FMO2: variants seen among roughly 807,000 people sequenced by gnomAD.
FMO2 encodes flavin-containing monooxygenase 2.
In FMO2, 33 loss-of-function variants were observed where a neutral mutation model predicts 41.6. The observed-to-expected ratio is 0.79, with a 90% CI of 0.60 to 1.06. The LOEUF (loss-of-function observed/expected upper bound fraction) is 1.06. FMO2 is among the 50% of genes least tolerant of loss of function. The probability of loss-of-function intolerance (pLI) is 0.00; values close to 1 mark genes in which losing one functional copy is unlikely to be tolerated. For synonymous variants in FMO2, 214 were observed against 219.6 expected (o/e 0.97, Z 0.23); for missense variants, 619 against 632.9 (o/e 0.98, Z 0.23).
Position 171,193,395 on chromosome 1 carries a change from G to T in FMO2, c.193G>T (p.Glu65Ter). The change falls in exon 3 of 9, where the codon GAA becomes TAA. Residue 65 changes from glutamate (E) to a stop codon, truncating the protein, a stop_gained. Transcript: ENST00000209929. LOFTEE classifies it high-confidence loss of function. ...ATCTGTCGTTACCAACACCAGCAAAGAAATGTCCTGTTTCAGTGACTTTCC... is the reference window on the plus strand; with the variant it reads ...ATCTGTCGTTACCAACACCAGCAAATAAATGTCCTGTTTCAGTGACTTTCC... ...YQSVVTNTSK[E>*]MSCFSDFPMP... 1 of 1,611,428 alleles carries T rather than the reference G, an allele frequency of 6.2e-7. No homozygotes were observed. Among genetic ancestry groups the T allele is most frequent in the Non-Finnish European group, 8.5e-7 (1 of 1,179,060 alleles).
intron 4 of FMO2, among the ~76,000 whole-genome samples, chr1:171,198,626 G>A (rs1203156889): frequency 6.6e-6 from 1 of 151,994 alleles, no homozygotes; most frequent in African/African-American, 2.4e-5. Flanking sequence ...GGCCAGGCTG[G>A]TTTCAAATTC....
chr1:171,192,623 G>A (rs372005032), intron 2 of FMO2, among the ~76,000 whole-genome samples: 21 of 151,752 alleles, frequency 1.4e-4, no homozygotes, highest in Non-Finnish European at 2.5e-4. Flanking sequence ...AAAATTAGCC[G>A]GGCGTGGTGG....
chr1:171,185,586 A>G, intron 1 of FMO2, 122 bp from the exon 2 acceptor site: 4 of 940,340 alleles, frequency 4.3e-6, no homozygotes, highest in South Asian at 3.5e-5. Flanking sequence ...TCTTTATTCA[A>G]TAGTGCTGCT....
Position 171,209,023 on chromosome 1 carries a change from C to T in FMO2, c.1486C>T (p.Leu496=). 7.0e-6 allele frequency: 10 copies of T among 1,435,820 alleles called. No homozygotes were observed. The highest frequency in any genetic ancestry group is 9.6e-6 in the Non-Finnish European group (10 of 1,038,348). 88.9% of individuals were successfully genotyped at this position (1,435,820 alleles called of 1,614,324 possible). The change falls in exon 9 of 9, where the codon CTG becomes TTG. Residue 496 remains leucine (L), a synonymous_variant. Transcript: ENST00000209929. ...NAIFTQKQRI[L]KPLKTRALKD... is the part of the protein sequence containing the mutation. Reference sequence around the variant, plus strand: ...CATCTTCACCCAGAAACAAAGAATACTGAAGCCACTCAAGACTCGGGCCCT... The same window carrying T: ...CATCTTCACCCAGAAACAAAGAATATTGAAGCCACTCAAGACTCGGGCCCT...
Position 171,209,469 on chromosome 1 carries a change from G to C in FMO2, c.*324G>C, listed in dbSNP as rs2102020206. 1 of 205,892 alleles carries C rather than the reference G, an allele frequency of 4.9e-6. No individual in the cohort carries two copies. The highest frequency in any genetic ancestry group is 1.1e-4 in the East Asian group (1 of 9,134). 12.8% of individuals were successfully genotyped at this position (205,892 alleles called of 1,614,324 possible). A position where few individuals can be genotyped will look rare whatever the true frequency, so the allele number is the denominator to read the frequency against. The stretch of plus-strand genomic sequence containing the variant: ...TATGGAAAAATAGTAGAATTACACA[G>C]CATGAAAAGCAGCCCATGGTTTAAA... On this transcript the variant is annotated 3_prime_UTR_variant, in exon 9 of 9. Coordinates refer to ENST00000209929, the MANE Select transcript of FMO2 (RefSeq NM_001460.5).
At position 171,210,817 on chromosome 1, in the gene FMO2, ACG is replaced by A. The variant is rs1658950403; in HGVS notation, c.*1673_*1674del. 1 of 64,438 alleles carries A rather than the reference ACG, an allele frequency of 1.6e-5. No homozygotes were observed. 4.0% of individuals were successfully genotyped at this position (64,438 alleles called of 1,614,324 possible). A position where few individuals can be genotyped will look rare whatever the true frequency, so the allele number is the denominator to read the frequency against. ...CAATTAAGGTACTTCTCCCTCAGGG[ACG>A]TAGAACAATGGAATGTCAGTCAGTC... On this transcript the variant is annotated 3_prime_UTR_variant, in exon 9 of 9. Transcript: ENST00000209929.
At chr1:171,186,249 C>CT (rs1477279045) in intron 2 of FMO2, 1 of 154,532 alleles carries the variant, frequency 6.5e-6, no homozygotes, top group Non-Finnish European at 1.4e-5. Flanking sequence ...CTATTTTTCT[C>CT]TGACAAATGA....
At chr1:171,199,909 G>T (rs1658465959) in intron 5 of FMO2, among the ~76,000 whole-genome samples, 1 of 151,974 alleles carries the variant, frequency 6.6e-6, no homozygotes, top group Non-Finnish European at 1.5e-5. Flanking sequence ...AGAGATGAGG[G>T]TCTTGCCATG....
At chr1:171,207,565 A>G in intron 7 of FMO2, 153 bp from the exon 8 acceptor site, 1 of 632,770 alleles carries the variant, frequency 1.6e-6, no homozygotes, top group Non-Finnish European at 2.9e-6. Context: ...ATAGAGTGCT[A>G]TGGGGGTGGC....
chr1:171,207,559 A>C (rs1446210358), intron 7 of FMO2, 159 bp from the exon 8 acceptor site: 1 of 614,186 alleles, frequency 1.6e-6, no homozygotes, highest in Non-Finnish European at 3.0e-6. Context: ...TGTCACATAG[A>C]GTGCTATGGG....
chr1:171,199,293 G>A, intron 4 of FMO2, 53 bp from the exon 5 acceptor site: 2 of 1,481,090 alleles, frequency 1.4e-6, no homozygotes, highest in Non-Finnish European at 1.8e-6. Flanking sequence ...ATTGAAATTA[G>A]CTTGACATAG....
At chr1:171,204,735 G>A (rs1284103757) in intron 6 of FMO2, among the ~76,000 whole-genome samples, 2 of 151,960 alleles carry the variant, frequency 1.3e-5, no homozygotes, top group Non-Finnish European at 2.9e-5. Flanking sequence ...AAAATAAGCG[G>A]ACTTTGCATC....
chr1:171,188,858 C>T (rs28369817), intron 2 of FMO2: 2 of 152,174 alleles, frequency 1.3e-5, no homozygotes, highest in African/African-American at 2.4e-5. Flanking sequence ...CCTAGTGGCA[C>T]ATATGGACCA....
chr1:171,199,103 A>G lies in FMO2; in HGVS notation c.485-243A>G, dbSNP rs142828650. 119 of 317,364 alleles carry G rather than the reference A, an allele frequency of 3.7e-4. 1 individual carries two copies. Among genetic ancestry groups the G allele is most frequent in the African/African-American group, 2.3e-3 (108 of 46,230 alleles). 19.7% of individuals were successfully genotyped at this position (317,364 alleles called of 1,614,324 possible). A position where few individuals can be genotyped will look rare whatever the true frequency, so the allele number is the denominator to read the frequency against. On this transcript the variant is annotated intron_variant, in intron 4 of 8. Transcript: ENST00000209929. ...TTTTTTGTAGATACAGGGTTTCACT[A>G]TGCTGCTCAGGCTGGTCTCAAACTC...
intron 2 of FMO2, 77 bp from the exon 3 acceptor site, chr1:171,193,258 G>T (rs1658159292): frequency 3.4e-6 from 3 of 874,596 alleles, no homozygotes; most frequent in Middle Eastern, 2.3e-4. Flanking sequence ...TTACCCAGGG[G>T]TTAGATGTAG....
intron 2 of FMO2, among the ~76,000 whole-genome samples, chr1:171,188,263 A>G (rs1420375301): frequency 2.0e-5 from 3 of 152,056 alleles, no homozygotes; most frequent in Non-Finnish European, 2.9e-5. Context: ...CTAGGAAGGT[A>G]TTTTCTGCAG....
intron 3 of FMO2, among the ~76,000 whole-genome samples, 171 bp from the exon 4 acceptor site, chr1:171,196,478 G>T (rs1411467977): frequency 6.6e-6 from 1 of 152,174 alleles, no homozygotes; most frequent in East Asian, 1.9e-4. Context: ...GTTTTCATGA[G>T]AACTTGCTTT....
Position 171,210,647 on chromosome 1 carries a change from T to C in FMO2, c.*1502T>C, listed in dbSNP as rs1658940800. 1 of 152,214 alleles carries C rather than the reference T, an allele frequency of 6.6e-6. No homozygotes were observed. Among genetic ancestry groups the C allele is most frequent in the African/African-American group, 2.4e-5 (1 of 41,428 alleles). The allele number at this position is 152,214 out of a possible 1,614,324, so 9.4% of individuals were successfully genotyped here. A position where few individuals can be genotyped will look rare whatever the true frequency, so the allele number is the denominator to read the frequency against. On this transcript the variant is annotated 3_prime_UTR_variant, in exon 9 of 9. Coordinates refer to ENST00000209929, the MANE Select transcript of FMO2 (RefSeq NM_001460.5). ...CAAGAGAGAACAAAGGTCAGAGATG[T>C]TGAAGATTCCAGCAAATTTCTCCTC...
chr1:171,206,379 G>C (rs888682612), intron 7 of FMO2, among the ~76,000 whole-genome samples: 2 of 152,136 alleles, frequency 1.3e-5, no homozygotes, highest in East Asian at 3.8e-4. Flanking sequence ...GGGATTGCCT[G>C]AACAAAAGCA....
Sources: gnomAD v4.1 joint callset for allele counts (sites outside exome capture counted in the v4.1 genomes callset) on GRCh38, gnomAD v4.1.1 for gene constraint, MANE v1.5 for transcripts, NCBI Gene and HGNC (gene_info 2026-07-23, HGNC 2026-07-21) for gene names.